Variants in CAMK1 observed in about 807,000 individuals in gnomAD.
The protein encoded by CAMK1 is calcium/calmodulin-dependent protein kinase type 1.
Under a neutral mutation model 49.1 loss-of-function variants are expected in CAMK1, and 39 were observed. That is an observed-to-expected ratio of 0.79 (90% CI 0.62 to 1.04). CAMK1 has a LOEUF of 1.04. CAMK1 is among the 50% of genes least tolerant of loss of function. The probability of loss-of-function intolerance (pLI) is 0.00; values close to 1 mark genes in which losing one functional copy is unlikely to be tolerated. For synonymous variants in CAMK1, 192 were observed against 185.2 expected (o/e 1.04, Z -0.30); for missense variants, 457 against 472.2 (o/e 0.97, Z 0.30).
intron 2 of CAMK1, 57 bp from the exon 3 acceptor site, chr3:9,765,947 C>G (rs1330854426): frequency 1.9e-6 from 3 of 1,614,212 alleles, no homozygotes; most frequent in Non-Finnish European, 2.5e-6. Context: ...TCCCTCCAGC[C>G]TCTCCTCCAT....
chr3:9,764,134 C>T, intron 3 of CAMK1, among the ~76,000 whole-genome samples: 1 of 152,186 alleles, frequency 6.6e-6, no homozygotes, highest in East Asian at 1.9e-4. Flanking sequence ...TTTAATGTAA[C>T]CTCTCTGAAC....
In CAMK1 at chr3:9,759,603, C is replaced by T. The variant is rs758249202; in HGVS notation, c.825-28G>A. 3 of 1,614,128 alleles carry T rather than the reference C, an allele frequency of 1.9e-6. No homozygotes were observed. The South Asian group carries it at 3.3e-5, about 18-fold the overall frequency. On this transcript the variant is annotated intron_variant, in intron 9 of 11. Transcript: ENST00000256460. ...AGGATGGGGTTATGTGGTGGGTTGCCTATGAGGGCAGAAGCAGACCTGAGG... is the reference window on the plus strand; with the variant it reads ...AGGATGGGGTTATGTGGTGGGTTGCTTATGAGGGCAGAAGCAGACCTGAGG...
chr3:9,759,403 GC>G lies in CAMK1; in HGVS notation c.912+84del. 4.4e-6 allele frequency: 7 copies of G among 1,584,338 alleles called. No individual in the cohort carries two copies. The South Asian group carries it at 7.7e-5, about 18-fold the overall frequency. On this transcript the variant is annotated intron_variant, in intron 10 of 11. Transcript: ENST00000256460. Reference sequence around the variant, plus strand: ...GCAGTTACTGTGTGCCCAGTGTGATGCCAGGTGCTGTGCAAGCTGAGCCTGG... The same window carrying G: ...GCAGTTACTGTGTGCCCAGTGTGATGCAGGTGCTGTGCAAGCTGAGCCTGG...
At chr3:9,761,153 C>T (rs2077846552) in intron 7 of CAMK1, 2 of 349,656 alleles carry the variant, frequency 5.7e-6, no homozygotes, top group East Asian at 5.5e-5. Context: ...TTATTTTTAT[C>T]ACCTGACGTC....
chr3:9,758,779 A>G (rs1445453623), intron 10 of CAMK1: 2 of 232,404 alleles, frequency 8.6e-6, no homozygotes, highest in African/African-American at 2.3e-5. Context: ...ACAGGCACGC[A>G]CCACCATGTG....
At position 9,762,984 on chromosome 3, in the gene CAMK1, C is replaced by T. The variant is rs758368101; in HGVS notation, c.359G>A (p.Arg120His). 24 of 1,613,930 alleles carry T rather than the reference C, an allele frequency of 1.5e-5. No individual in the cohort carries two copies. Among genetic ancestry groups the T allele is most frequent in the Middle Eastern group, 1.6e-4 (1 of 6,084 alleles). ...AGCATCCAGCACCTGGAAGATGAGGCGGCTGGCGTCCCGCTCCGTGTAGAA... is the reference window on the plus strand; with the variant it reads ...AGCATCCAGCACCTGGAAGATGAGGTGGCTGGCGTCCCGCTCCGTGTAGAA... ...KGFYTERDAS[R>H]LIFQVLDAVK... Residue 120 changes from arginine to histidine, a missense_variant, in exon 5 of 12, where the codon CGC (arginine) becomes CAC (histidine). Physicochemically the swap from Arg to His is conservative, Grantham distance 29. Transcript: ENST00000256460.
Position 9,757,973 on chromosome 3 carries a change from T to C in CAMK1, c.913-127A>G. 6.9e-7 allele frequency: 1 copy of C among 1,451,862 alleles called. No individual in the cohort carries two copies. The highest frequency in any genetic ancestry group is 9.1e-7 in the Non-Finnish European group (1 of 1,099,010). 89.9% of individuals were successfully genotyped at this position (1,451,862 alleles called of 1,614,324 possible). ...TTCATTCAGGAGTTATTTTATTAAT[T>C]CCCCTAAAGCCCCCCAAAAACCTCT... On this transcript the variant is annotated intron_variant, in intron 10 of 11. Coordinates refer to ENST00000256460, the MANE Select transcript of CAMK1 (RefSeq NM_003656.5). This position sits in a 1 kb window ranked among gnomAD's most constrained non-coding sequence, Gnocchi z 4.5.
intron 7 of CAMK1, chr3:9,761,247 G>A (rs759598215): frequency 5.6e-6 from 3 of 532,154 alleles, no homozygotes; most frequent in Non-Finnish European, 9.9e-6. Flanking sequence ...CACTTTGTCT[G>A]GTTTGTGCTG....
In CAMK1 at chr3:9,757,369, C is replaced by G. The variant is rs758929412; in HGVS notation, c.*170G>C. ...GGATGGTTTTATCTTCCCTTTATTA[C>G]AAGAAGGAACAATAAAATAGAAACA... On this transcript the variant is annotated 3_prime_UTR_variant, in exon 12 of 12. Transcript: ENST00000256460. The surrounding 1 kb of genome is among the most constrained non-coding windows in gnomAD (Gnocchi z 4.5). The G allele has an allele frequency of 1.2e-6, 2 of 1,613,418 alleles. No homozygotes were observed. Among genetic ancestry groups the G allele is most frequent in the African/African-American group, 1.3e-5 (1 of 74,868 alleles).
At chr3:9,761,558 G>A in intron 6 of CAMK1, 22 bp from the exon 7 acceptor site, 2 of 1,613,366 alleles carry the variant, frequency 1.2e-6, no homozygotes, top group Admixed American at 1.7e-5. Flanking sequence ...AGAGGACGTG[G>A]TGGTGACAAA....
chr3:9,760,950 TGCC>T (rs1030080801), intron 7 of CAMK1, 182 bp from the exon 8 acceptor site: 112 of 884,250 alleles, frequency 1.3e-4, no homozygotes, highest in Admixed American at 8.5e-4. Context: ...TCCTTGTATG[TGCC>T]GCCATCTTGC....
intron 3 of CAMK1, among the ~76,000 whole-genome samples, chr3:9,764,342 C>T (rs2078036288): frequency 6.6e-6 from 1 of 151,974 alleles, no homozygotes; most frequent in Admixed American, 6.6e-5. Flanking sequence ...GTTGCTCAGG[C>T]TGGAGTGTTG....
At chr3:9,766,274 C>T in intron 2 of CAMK1, 1 of 704,082 alleles carries the variant, frequency 1.4e-6, no homozygotes, top group Admixed American at 2.0e-5. Flanking sequence ...AAATATATTT[C>T]CTGATAACAT....
Position 9,757,657 on chromosome 3 carries a change from G to C in CAMK1, c.1031-36C>G, listed in dbSNP as rs375777594. 16 of 1,614,060 alleles carry C rather than the reference G, an allele frequency of 9.9e-6. No individual in the cohort carries two copies. The highest frequency in any genetic ancestry group is 1.7e-5 in the Admixed American group (1 of 60,018). On this transcript the variant is annotated intron_variant, in intron 11 of 11. Transcript: ENST00000256460. This position sits in a 1 kb window ranked among gnomAD's most constrained non-coding sequence, Gnocchi z 4.5. ...AGACAGAACAGAGGTGGCCGCAGGG[G>C]CAGGCCCTCCACTCCAGCCCGGGTG...
At chr3:9,763,608 G>T (rs1166348816) in intron 3 of CAMK1, among the ~76,000 whole-genome samples, 1 of 152,014 alleles carries the variant, frequency 6.6e-6, no homozygotes, top group Admixed American at 6.6e-5. Flanking sequence ...CACAGACCTG[G>T]GTCCAAATCC....
At chr3:9,762,448 C>T (rs543891877) in intron 5 of CAMK1, 5 of 158,146 alleles carry the variant, frequency 3.2e-5, no homozygotes, top group East Asian at 3.8e-4. Flanking sequence ...ACAATCTCAG[C>T]TTGCTGCAAC....
At chr3:9,769,618 C>G (rs139960528) in intron 1 of CAMK1, among the ~76,000 whole-genome samples, 2,047 of 152,318 alleles carry the variant, frequency 0.013, 25 homozygotes, top group Middle Eastern at 0.038. Flanking sequence ...CACAGGCCCC[C>G]TTCTCTATTA....
At position 9,763,132 on chromosome 3, in the gene CAMK1, C is replaced by T. The variant is rs1234814737; in HGVS notation, c.290+7G>A. Reference sequence around the variant, plus strand: ...TGTGGGGGCAGGGCAGAGGTTGGGCCACTCACAGCTGCATGATGAGGTAGA... The same window carrying T: ...TGTGGGGGCAGGGCAGAGGTTGGGCTACTCACAGCTGCATGATGAGGTAGA... On this transcript the variant is annotated splice_region_variant and intron_variant, in intron 4 of 11. Transcript: ENST00000256460. 6.2e-7 allele frequency: 1 copy of T among 1,614,110 alleles called. No homozygotes were observed. The highest frequency in any genetic ancestry group is 1.7e-5 in the Admixed American group (1 of 60,020).
chr3:9,763,647 T>A (rs1452820866), intron 3 of CAMK1, among the ~76,000 whole-genome samples: 1 of 152,172 alleles, frequency 6.6e-6, no homozygotes, highest in Admixed American at 6.5e-5. Context: ...TGGGTGCAGA[T>A]CTTTTCACCA....
Sources: gnomAD v4.1 joint callset for allele counts (sites outside exome capture counted in the v4.1 genomes callset) on GRCh38, gnomAD v4.1.1 for gene constraint, Gnocchi (gnomAD v3.1) non-coding constraint, MANE v1.5 for transcripts, NCBI Gene and HGNC (gene_info 2026-07-23, HGNC 2026-07-21) for gene names.